TM2D1: variants seen among roughly 807,000 people sequenced by gnomAD.
TM2D1 encodes TM2 domain containing 1, also known as TM2 domain-containing protein 1.
A neutral mutation model predicts 28.4 loss-of-function variants in TM2D1; 15 were observed. That is an observed-to-expected ratio of 0.53 (90% CI 0.35 to 0.81). The LOEUF (loss-of-function observed/expected upper bound fraction) is 0.81, where lower values mean the gene tolerates loss of function less well. Among genes scored for constraint, TM2D1 ranks in the 40% least tolerant of loss-of-function variants. TM2D1 has a pLI of 0.01. For missense variants in TM2D1, 236 were observed against 254.9 expected (o/e 0.93, Z 0.50); for synonymous variants, 93 against 96.2 (o/e 0.97, Z 0.20).
intron 5 of TM2D1, among the ~76,000 whole-genome samples, chr1:61,688,027 G>A (rs111999050): frequency 0.012 from 1,860 of 152,254 alleles, 12 homozygotes; most frequent in Non-Finnish European, 0.016. Flanking sequence ...TTTTAATTAA[G>A]CATCAAAATT....
chr1:61,690,801 T>C (rs1425749349), intron 5 of TM2D1, among the ~76,000 whole-genome samples: 1 of 152,214 alleles, frequency 6.6e-6, no homozygotes, highest in Non-Finnish European at 1.5e-5. Flanking sequence ...TACAAAGCAG[T>C]ATATAACCCA....
At chr1:61,719,053 T>A (rs1291178028) in intron 2 of TM2D1, among the ~76,000 whole-genome samples, 2 of 152,194 alleles carry the variant, frequency 1.3e-5, no homozygotes, top group African/African-American at 2.4e-5. Flanking sequence ...TCTATTTTCA[T>A]TTTTTTGTTT....
chr1:61,720,829 G>T (rs1215395626), intron 2 of TM2D1, among the ~76,000 whole-genome samples: 1 of 152,050 alleles, frequency 6.6e-6, no homozygotes, highest in East Asian at 1.9e-4. Context: ...TGTCATAGAT[G>T]AATTTCCTTT....
At chr1:61,687,225 T>A (rs900179642) in intron 5 of TM2D1, among the ~76,000 whole-genome samples, 1 of 151,832 alleles carries the variant, frequency 6.6e-6, no homozygotes, top group Non-Finnish European at 1.5e-5. Flanking sequence ...AGACAAAAAG[T>A]ATATTAGAGG....
intron 2 of TM2D1, among the ~76,000 whole-genome samples, chr1:61,714,457 C>G (rs923466206): frequency 3.9e-5 from 6 of 152,050 alleles, no homozygotes; most frequent in Non-Finnish European, 7.4e-5. Context: ...AGGAAAATTG[C>G]TTGGACCCGG....
intron 2 of TM2D1, among the ~76,000 whole-genome samples, chr1:61,720,648 T>C (rs942696444): frequency 2.0e-5 from 3 of 152,108 alleles, no homozygotes; most frequent in Non-Finnish European, 4.4e-5. Context: ...TAAATATAAA[T>C]AAATGAACAA....
intron 1 of TM2D1, 174 bp downstream of exon 1, chr1:61,724,783 G>T: frequency 1.6e-6 from 1 of 642,126 alleles, no homozygotes. Context: ...GTGGCCTCTG[G>T]CCCTCCCATC....
intron 2 of TM2D1, among the ~76,000 whole-genome samples, chr1:61,722,593 T>G (rs1462114829): frequency 3.9e-5 from 6 of 152,130 alleles, no homozygotes; most frequent in African/African-American, 1.4e-4. Context: ...GGTGTTGAAC[T>G]CCTGACCTCG....
chr1:61,686,944 C>A, intron 5 of TM2D1: 6 of 984,270 alleles, frequency 6.1e-6, no homozygotes, highest in African/African-American at 1.7e-5. Context: ...AGTAAATTAC[C>A]CCAATACTGG....
At chr1:61,695,018 C>T (rs909786051) in intron 4 of TM2D1, among the ~76,000 whole-genome samples, 3 of 151,762 alleles carry the variant, frequency 2.0e-5, no homozygotes, top group Middle Eastern at 3.4e-3. Flanking sequence ...TGAAAAAAAC[C>T]TCAATATAAT....
rs548905714 is a variant in TM2D1 at position 61,718,287 on chromosome 1, C to T, written c.238+5426G>A. Among the ~76,000 whole-genome samples the T allele has an allele frequency of 8.8e-5, 11 of 125,092 alleles. No homozygotes were observed. The East Asian group carries it at 1.8e-3, about 20-fold the overall frequency. The allele number at this position is 125,092 out of a possible 152,430, so 82.1% of individuals were successfully genotyped here. A position where few individuals can be genotyped will look rare whatever the true frequency, so the allele number is the denominator to read the frequency against. ...CCTGAGTGACAGAGTGAGACCCCAT[C>T]TCCAAAAAAAAAAAAGAGAGAGAAA... is the stretch of plus-strand genomic sequence containing the variant. On this transcript the variant is annotated intron_variant, in intron 2 of 6. Coordinates refer to ENST00000606498, the MANE Select transcript of TM2D1 (RefSeq NM_032027.3).
chr1:61,691,935 A>ATATATATATATATATG (rs1644329871), intron 5 of TM2D1, among the ~76,000 whole-genome samples: 15 of 75,742 alleles, frequency 2.0e-4, no homozygotes, highest in African/African-American at 4.2e-4. Context: ...AAAAAAAAAT[A>ATATATATATATATATG]TATATATATA....
At chr1:61,691,932 A>AAAAAAATATATATATATATATATAT in intron 5 of TM2D1, among the ~76,000 whole-genome samples, 20 of 76,362 alleles carry the variant, frequency 2.6e-4, no homozygotes, top group Non-Finnish European at 4.1e-4. Context: ...AAAAAAAAAA[A>AAAAAAATATATATATATATATATAT]ATATATATAT....
At chr1:61,692,675 C>T (rs1049185857) in intron 5 of TM2D1, among the ~76,000 whole-genome samples, 3 of 152,082 alleles carry the variant, frequency 2.0e-5, no homozygotes, top group Admixed American at 6.6e-5. Context: ...ATGAGAGGAT[C>T]GCTTAAGCCC....
intron 2 of TM2D1, among the ~76,000 whole-genome samples, chr1:61,716,488 C>CATATATAATTATATATAATTTTATATAT (rs1557539369): frequency 7.4e-6 from 1 of 135,256 alleles, no homozygotes; most frequent in African/African-American, 2.7e-5. Flanking sequence ...ATTTTATATA[C>CATATATAATTATATATAATTTTATATAT]GTATATAATT....
intron 3 of TM2D1, among the ~76,000 whole-genome samples, chr1:61,702,500 C>G (rs1038277271): frequency 6.6e-6 from 1 of 150,936 alleles, no homozygotes; most frequent in Admixed American, 6.6e-5. Flanking sequence ...CCCCAAGTAC[C>G]TGGGAGTACA....
chr1:61,719,557 A>G (rs2148068724), intron 2 of TM2D1, among the ~76,000 whole-genome samples: 1 of 151,980 alleles, frequency 6.6e-6, no homozygotes, highest in African/African-American at 2.4e-5. Flanking sequence ...CAGTGGCGCA[A>G]TCTTGGCTCA....
At chr1:61,715,557 A>G (rs539094294) in intron 2 of TM2D1, among the ~76,000 whole-genome samples, 1 of 147,098 alleles carries the variant, frequency 6.8e-6, no homozygotes, top group South Asian at 2.3e-4. Flanking sequence ...CTGAGGCACA[A>G]GAATTGCTTG....
At position 61,709,378 on chromosome 1, in the gene TM2D1, A is replaced by G. The variant is rs1314394295; in HGVS notation, c.298T>C (p.Phe100Leu). 1 of 1,613,548 alleles carries G rather than the reference A, an allele frequency of 6.2e-7. No individual in the cohort carries two copies. Among genetic ancestry groups the G allele is most frequent in the Non-Finnish European group, 8.5e-7 (1 of 1,179,708 alleles). ...AAAAAACCAACTTCGTTCCCAGTAA[A>G]ATGTGTTTCATTGCCACTGGAATCC... ...CKDSSGNETH[F>L]TGNEVGFFKP... Residue 100 changes from phenylalanine to leucine, a missense_variant, in exon 3 of 7, where the codon TTT becomes CTT. By Grantham distance (22) the Phe-to-Leu change is conservative (BLOSUM62 0). Transcript: ENST00000606498.
Sources: gnomAD v4.1 joint callset for allele counts (sites outside exome capture counted in the v4.1 genomes callset) on GRCh38, gnomAD v4.1.1 for gene constraint, MANE v1.5 for transcripts, NCBI Gene and HGNC (gene_info 2026-07-23, HGNC 2026-07-21) for gene names.